NYAP2: variants seen among roughly 807,000 people sequenced by gnomAD.
NYAP2 encodes the protein neuronal tyrosine-phosphorylated phosphoinositide-3-kinase adaptor 2.
A neutral mutation model predicts 50.4 loss-of-function variants in NYAP2; 23 were observed. That is an observed-to-expected ratio of 0.46 (90% CI 0.33 to 0.65). NYAP2 has a LOEUF of 0.65. NYAP2 is among the 30% of genes least tolerant of loss of function. NYAP2 has a pLI of 0.02. For missense variants in NYAP2, 885 were observed against 861.0 expected, an observed-to-expected ratio of 1.03 and a Z score of -0.35; for synonymous variants, 394 against 365.2, an observed-to-expected ratio of 1.08 and a Z score of -0.90.
At chr2:225,651,647 T>A in exon 7 of NYAP2, 2 of 1,517,480 alleles carry the variant, frequency 1.3e-6, no homozygotes, top group Non-Finnish European at 1.8e-6. Flanking sequence ...TGCTTTTATT[T>A]TTCTATGTGT....
chr2:225,406,712 G>A (rs1424616664), intron 2 of NYAP2, among the ~76,000 whole-genome samples: 1 of 151,524 alleles, frequency 6.6e-6, no homozygotes, highest in East Asian at 1.9e-4. Context: ...TCTCCTTTTT[G>A]TTTTTAAAAA....
At chr2:225,637,838 A>G (rs1251118463) in intron 6 of NYAP2, among the ~76,000 whole-genome samples, 2 of 152,214 alleles carry the variant, frequency 1.3e-5, no homozygotes, top group Non-Finnish European at 2.9e-5. Context: ...TTAAATGGTC[A>G]AAGCATGTCT....
intron 3 of NYAP2, among the ~76,000 whole-genome samples, chr2:225,445,070 G>GA (rs1689531383): frequency 6.6e-6 from 1 of 152,130 alleles, no homozygotes; most frequent in African/African-American, 2.4e-5. Context: ...CTGTAGTTTG[G>GA]AAAAAATATA....
intron 3 of NYAP2, among the ~76,000 whole-genome samples, chr2:225,426,198 C>A (rs921331068): frequency 6.6e-6 from 1 of 151,484 alleles, no homozygotes; most frequent in Non-Finnish European, 1.5e-5. Flanking sequence ...TATAATGTAG[C>A]AGTGGGATCT....
chr2:225,486,004 C>T (rs1219119697), intron 3 of NYAP2, among the ~76,000 whole-genome samples: 5 of 152,052 alleles, frequency 3.3e-5, no homozygotes, highest in African/African-American at 9.7e-5. Context: ...TCCTTGTGGG[C>T]GGTGGTAAAA....
intron 3 of NYAP2, among the ~76,000 whole-genome samples, chr2:225,459,789 C>T (rs1438390525): frequency 6.6e-6 from 1 of 152,050 alleles, no homozygotes; most frequent in Non-Finnish European, 1.5e-5. Flanking sequence ...GACTACAGCT[C>T]AGCCTCCCAA....
At chr2:225,515,989 A>G (rs1690925710) in intron 4 of NYAP2, among the ~76,000 whole-genome samples, 1 of 152,182 alleles carries the variant, frequency 6.6e-6, no homozygotes, top group Admixed American at 6.5e-5. Flanking sequence ...TGGCAGAAAC[A>G]TTTCTAGAAA....
chr2:225,634,268 G>A (rs1441936678), intron 6 of NYAP2, among the ~76,000 whole-genome samples: 1 of 152,142 alleles, frequency 6.6e-6, no homozygotes, highest in Admixed American at 6.5e-5. Flanking sequence ...GCATAGGCTG[G>A]GCTTTATGCG....
chr2:225,586,885 C>T (rs1376724216), intron 5 of NYAP2, among the ~76,000 whole-genome samples: 3 of 152,112 alleles, frequency 2.0e-5, no homozygotes, highest in Non-Finnish European at 4.4e-5. Flanking sequence ...AAGAACTACT[C>T]GAGATTGGAT....
At chr2:225,511,364 A>ACG (rs1297589886) in intron 3 of NYAP2, among the ~76,000 whole-genome samples, 1 of 145,712 alleles carries the variant, frequency 6.9e-6, no homozygotes, top group African/African-American at 2.6e-5. Flanking sequence ...ACACACACAC[A>ACG]CACACACACA....
At position 225,446,264 on chromosome 2, in the gene NYAP2, A is replaced by C. The variant is rs866693773; in HGVS notation, c.221+37163A>C. On this transcript the variant is annotated intron_variant, in intron 3 of 6. Coordinates refer to ENST00000636099, the Ensembl canonical transcript of NYAP2. Reference sequence around the variant, plus strand: ...TCTCTCTCTATATATATATATATATATATATATATATATATATGTGGAATT... The same window carrying C: ...TCTCTCTCTATATATATATATATATCTATATATATATATATATGTGGAATT... Among the ~76,000 whole-genome samples, 777 of 139,094 alleles carry C rather than the reference A, an allele frequency of 5.6e-3. 8 individuals are homozygous for C. The highest frequency in any genetic ancestry group is 0.018 in the Middle Eastern group (5 of 278). The allele number at this position is 139,094 out of a possible 152,430, so 91.3% of individuals were successfully genotyped here.
At chr2:225,480,680 A>G (rs1233574880) in intron 3 of NYAP2, among the ~76,000 whole-genome samples, 2 of 152,164 alleles carry the variant, frequency 1.3e-5, no homozygotes, top group Non-Finnish European at 2.9e-5. Context: ...ATAAATGGTC[A>G]AATAGATTCC....
chr2:225,570,929 G>A (rs1344693255), intron 4 of NYAP2, among the ~76,000 whole-genome samples: 1 of 152,224 alleles, frequency 6.6e-6, no homozygotes, highest in Non-Finnish European at 1.5e-5. Context: ...AAGATACAAT[G>A]GGATTACAGG....
intron 3 of NYAP2, among the ~76,000 whole-genome samples, chr2:225,485,882 T>C (rs1690287258): frequency 6.6e-6 from 1 of 152,184 alleles, no homozygotes; most frequent in Non-Finnish European, 1.5e-5. Flanking sequence ...AGCTGCCCTG[T>C]GCATGTTAGA....
chr2:225,482,885 G>T (rs563694919), intron 3 of NYAP2, among the ~76,000 whole-genome samples: 1 of 152,240 alleles, frequency 6.6e-6, no homozygotes, highest in East Asian at 1.9e-4. Context: ...AATGGTATAC[G>T]GAGAGAAGAC....
At chr2:225,490,427 C>G (rs751414847) in intron 3 of NYAP2, among the ~76,000 whole-genome samples, 2 of 152,142 alleles carry the variant, frequency 1.3e-5, no homozygotes, top group Non-Finnish European at 2.9e-5. Context: ...TGTGGAGCAT[C>G]AGTATAAAAT....
exon 6 of NYAP2, chr2:225,627,078 G>A: frequency 6.3e-7 from 1 of 1,597,230 alleles, no homozygotes; most frequent in Non-Finnish European, 8.5e-7. Flanking sequence ...CAGTCGACTA[G>A]GAAGATGCTC....
At chr2:225,580,091 G>C (rs951935337) in intron 4 of NYAP2, among the ~76,000 whole-genome samples, 8 of 152,076 alleles carry the variant, frequency 5.3e-5, no homozygotes, top group African/African-American at 1.9e-4. Context: ...TAGTTTCCCA[G>C]AGCCTGCACT....
rs6758335 is a variant in NYAP2 at position 225,571,201 on chromosome 2, G to A, written c.524-10740G>A. ...TCACAGGCTGGTGTTGAGTGTCTGT[G>A]GGTTTTCCAGGCTTTTCCAGGCACA... On this transcript the variant is annotated intron_variant, in intron 4 of 6. Transcript: ENST00000636099. Among the ~76,000 whole-genome samples, 1,402 of 152,292 alleles carry A rather than the reference G, an allele frequency of 9.2e-3. 34 individuals carry two copies. Among genetic ancestry groups the A allele is most frequent in the African/African-American group, 0.032 (1,346 of 41,566 alleles).
Sources: allele counts gnomAD v4.1 joint callset (sites outside exome capture counted in the v4.1 genomes callset), GRCh38; gene constraint gnomAD v4.1.1; transcripts MANE v1.5; gene names NCBI Gene and HGNC (gene_info 2026-07-23, HGNC 2026-07-21).